Variants in ARFGEF1 observed in about 807,000 individuals in gnomAD.
ARFGEF1 encodes brefeldin A-inhibited guanine nucleotide-exchange protein 1.
ARFGEF1 carries 42 observed loss-of-function variants against 231.0 expected under a neutral mutation model. That is an observed-to-expected ratio of 0.18 (90% CI 0.14 to 0.24). ARFGEF1 has a LOEUF of 0.24. ARFGEF1 is among the 10% of genes least tolerant of loss of function. ARFGEF1 has a pLI of 1.00. For synonymous variants in ARFGEF1, 710 were observed against 732.3 expected (o/e 0.97, Z 0.49); for missense variants, 1,345 against 2,192.0 (o/e 0.61, Z 7.72).
At chr8:67,325,896 A>G (rs1807811063) in intron 1 of ARFGEF1, among the ~76,000 whole-genome samples, 1 of 152,152 alleles carries the variant, frequency 6.6e-6, no homozygotes, top group Non-Finnish European at 1.5e-5. Context: ...GAAATATGAG[A>G]AAAAGGCTGG....
At chr8:67,244,318 T>G (rs1267269684) in intron 19 of ARFGEF1, among the ~76,000 whole-genome samples, 1 of 2,708 alleles carries the variant, frequency 3.7e-4, no homozygotes, top group Non-Finnish European at 3.5e-3. Flanking sequence ...TTGTTGTTGT[T>G]TTTTTTTTTT....
chr8:67,292,179 G>A, intron 5 of ARFGEF1, 56 bp from the exon 6 acceptor site: 1 of 1,490,832 alleles, frequency 6.7e-7, no homozygotes, highest in Non-Finnish European at 9.2e-7. Context: ...AAATTTGGAA[G>A]GATAATGTTA....
intron 5 of ARFGEF1, among the ~76,000 whole-genome samples, chr8:67,180,740 T>C (rs924069447): frequency 3.9e-5 from 6 of 152,204 alleles, no homozygotes; most frequent in Admixed American, 1.3e-4. Flanking sequence ...CTATTTCTTA[T>C]ACCTGTGTAC....
intron 15 of ARFGEF1, among the ~76,000 whole-genome samples, chr8:67,258,849 A>C (rs1309722759): frequency 6.6e-6 from 1 of 151,946 alleles, no homozygotes; most frequent in Admixed American, 6.6e-5. Flanking sequence ...ACACACACAC[A>C]CACACCAGTC....
chr8:67,179,885 T>G, intron 5 of ARFGEF1: 1 of 1,595,242 alleles, frequency 6.3e-7, no homozygotes, highest in South Asian at 1.1e-5. Context: ...ACTAGTGATT[T>G]CTTGAAAAAC....
At chr8:67,268,000 A>G (rs1365770942) in intron 10 of ARFGEF1, among the ~76,000 whole-genome samples, 1 of 152,142 alleles carries the variant, frequency 6.6e-6, no homozygotes, top group African/African-American at 2.4e-5. Context: ...TACTCTTTAC[A>G]CCAAATAATC....
intron 33 of ARFGEF1, among the ~76,000 whole-genome samples, chr8:67,212,786 T>C (rs1440022298): frequency 6.6e-6 from 1 of 152,340 alleles, no homozygotes; most frequent in African/African-American, 2.4e-5. Flanking sequence ...AATTACTCAG[T>C]TCTCAGAATT....
At chr8:67,241,659 C>T (rs1359473715) in intron 19 of ARFGEF1, among the ~76,000 whole-genome samples, 2 of 151,912 alleles carry the variant, frequency 1.3e-5, no homozygotes, top group Admixed American at 6.6e-5. Flanking sequence ...ACAAGAGGGC[C>T]AAAAAGAGAG....
At chr8:67,305,217 A>G (rs1424831064) in intron 1 of ARFGEF1, among the ~76,000 whole-genome samples, 1 of 152,200 alleles carries the variant, frequency 6.6e-6, no homozygotes, top group Non-Finnish European at 1.5e-5. Flanking sequence ...CTTATATTCT[A>G]AAACATGGGT....
chr8:67,314,720 G>A (rs1419825972), intron 1 of ARFGEF1, among the ~76,000 whole-genome samples: 4 of 152,086 alleles, frequency 2.6e-5, no homozygotes, highest in Admixed American at 2.6e-4. Context: ...TCTTGCAGTC[G>A]ATCTGGAGCT....
chr8:67,291,730 AAT>A lies in ARFGEF1; in HGVS notation c.916+115_916+116del, dbSNP rs1012960530. On this transcript the variant is annotated intron_variant, in intron 6 of 38. Coordinates refer to ENST00000262215, the MANE Select transcript of ARFGEF1 (RefSeq NM_006421.5). ...AATGAGGAAAGTCCACAATTACCACAATGTGTCTGACACACTTATTAAATCAT... is the reference window on the plus strand; with the variant it reads ...AATGAGGAAAGTCCACAATTACCACAGTGTCTGACACACTTATTAAATCAT... 9 of 1,345,438 alleles carry A rather than the reference AAT, an allele frequency of 6.7e-6. No homozygotes were observed. In the Admixed American group the frequency reaches 1.4e-4, roughly 21 times the overall value. 83.3% of individuals were successfully genotyped at this position (1,345,438 alleles called of 1,614,324 possible).
In ARFGEF1 at chr8:67,226,103, T is replaced by C. The variant is rs766814154; in HGVS notation, c.3997A>G (p.Asn1333Asp). The change falls in exon 28 of 39, where the codon AAT (asparagine) becomes GAT (aspartate). Residue 1333 changes from asparagine (N) to aspartate (D), a missense_variant. By Grantham distance (23) the Asn-to-Asp change is conservative. Coordinates refer to ENST00000262215, the MANE Select transcript of ARFGEF1 (RefSeq NM_006421.5). ...ATACTTGTGTCTGGGAAAGCTGCAT[T>C]GCACGCAAATTCAGACAAACACTTC... Reference protein sequence around the residue: ...AVKCLSEFACNAAFPDTSMEA... With the variant: ...AVKCLSEFACDAAFPDTSMEA... The C allele has an allele frequency of 6.2e-7, 1 of 1,613,226 alleles. No individual in the cohort carries two copies. The highest frequency in any genetic ancestry group is 8.5e-7 in the Non-Finnish European group (1 of 1,179,574).
At chr8:67,279,306 T>C (rs1488378825) in intron 7 of ARFGEF1, among the ~76,000 whole-genome samples, 1 of 152,148 alleles carries the variant, frequency 6.6e-6, no homozygotes, top group African/African-American at 2.4e-5. Context: ...ACCTACTACT[T>C]AGCTAAAAAT....
intron 22 of ARFGEF1, among the ~76,000 whole-genome samples, chr8:67,234,649 A>C (rs188660394): frequency 6.6e-6 from 1 of 152,160 alleles, no homozygotes; most frequent in Non-Finnish European, 1.5e-5. Flanking sequence ...TAGAAAAAAG[A>C]ATGTGAAGAG....
intron 38 of ARFGEF1, 65 bp from the exon 39 acceptor site, chr8:67,199,163 A>C (rs759233018): frequency 7.1e-6 from 11 of 1,555,838 alleles, no homozygotes; most frequent in Non-Finnish European, 9.5e-6. Flanking sequence ...AACTGCCTAG[A>C]GTCAAACTAC....
At chr8:67,243,610 T>C (rs958673343) in intron 19 of ARFGEF1, among the ~76,000 whole-genome samples, 2 of 152,180 alleles carry the variant, frequency 1.3e-5, no homozygotes, top group African/African-American at 4.8e-5. Context: ...TCAAGTCCTT[T>C]TGAATACCTA....
intron 1 of ARFGEF1, among the ~76,000 whole-genome samples, chr8:67,310,732 G>A (rs1377783956): frequency 3.3e-5 from 5 of 151,402 alleles, no homozygotes; most frequent in Admixed American, 6.6e-5. Flanking sequence ...TGTGAGGAGC[G>A]CCTCTGCCCG....
intron 1 of ARFGEF1, among the ~76,000 whole-genome samples, chr8:67,312,148 CTTGT>C (rs1349736916): frequency 4.6e-5 from 7 of 151,584 alleles, no homozygotes; most frequent in African/African-American, 1.5e-4. Context: ...CCTCTGTTCA[CTTGT>C]TTATCTGCTG....
At chr8:67,258,330 T>C in intron 15 of ARFGEF1, 40 bp from the exon 16 acceptor site, 2 of 293,478 alleles carry the variant, frequency 6.8e-6, no homozygotes, top group Non-Finnish European at 1.1e-5. Context: ...ATTTTCTTTC[T>C]TTTTTTTTTT....
Sources: allele counts gnomAD v4.1 joint callset (sites outside exome capture counted in the v4.1 genomes callset), GRCh38; gene constraint gnomAD v4.1.1; transcripts MANE v1.5; gene names NCBI Gene and HGNC (gene_info 2026-07-23, HGNC 2026-07-21).